Variants in FBLN7 observed in about 807,000 individuals in gnomAD.
The protein encoded by FBLN7 is fibulin-7.
A neutral mutation model predicts 44.0 loss-of-function variants in FBLN7; 31 were observed. That is an observed-to-expected ratio of 0.70 (90% CI 0.53 to 0.95). FBLN7 has a LOEUF of 0.95. Among genes scored for constraint, FBLN7 ranks in the 40% least tolerant of loss-of-function variants. The pLI is 0.00. For synonymous variants in FBLN7, 262 were observed against 253.4 expected (o/e 1.03, Z -0.32); for missense variants, 573 against 618.5 (o/e 0.93, Z 0.78).
chr2:112,138,661 G>T lies in FBLN7; in HGVS notation c.6G>T (p.Val2=), dbSNP rs751406001. The change falls in exon 1 of 8, where the codon GTG becomes GTT. Residue 2 remains valine, a synonymous_variant. Coordinates refer to ENST00000331203, the MANE Select transcript of FBLN7 (RefSeq NM_153214.3). ...GCGGGATTCCGACTGGCAAGATGGTGCCCAGCTCTCCGCGCGCGCTCTTCC... is the reference window on the plus strand; with the variant it reads ...GCGGGATTCCGACTGGCAAGATGGTTCCCAGCTCTCCGCGCGCGCTCTTCC... M[V]PSSPRALFLL... 2 of 1,613,702 alleles carry T rather than the reference G, an allele frequency of 1.2e-6. No individual in the cohort carries two copies. Among genetic ancestry groups the T allele is most frequent in the Non-Finnish European group, 1.7e-6 (2 of 1,179,914 alleles).
intron 2 of FBLN7, among the ~76,000 whole-genome samples, chr2:112,163,109 G>A (rs1022510113): frequency 3.3e-5 from 5 of 152,162 alleles, no homozygotes; most frequent in South Asian, 2.1e-4. Context: ...AAAGGCCACC[G>A]AGCATCCTCG....
chr2:112,149,114 C>T (rs1251532310), intron 1 of FBLN7, among the ~76,000 whole-genome samples: 1 of 152,132 alleles, frequency 6.6e-6, no homozygotes, highest in Non-Finnish European at 1.5e-5. Flanking sequence ...GCATCTTCTG[C>T]TTTCTCTAGC....
the FBLN7 span, among the ~76,000 whole-genome samples, chr2:112,241,726 G>A: frequency 6.6e-6 from 1 of 152,150 alleles, no homozygotes; most frequent in Admixed American, 6.5e-5. Context: ...TACCTTTTAT[G>A]TTCATGACCA....
the FBLN7 span, among the ~76,000 whole-genome samples, chr2:112,198,612 G>T: frequency 6.6e-6 from 1 of 150,690 alleles, no homozygotes; most frequent in African/African-American, 2.5e-5. Context: ...CTCCAGCCTG[G>T]GTGACAGAGT....
At chr2:112,219,069 T>C in the FBLN7 span, among the ~76,000 whole-genome samples, 2 of 152,184 alleles carry the variant, frequency 1.3e-5, no homozygotes, top group African/African-American at 4.8e-5. Context: ...CAAATTCAAA[T>C]TGATGTTTTT....
intron 1 of FBLN7, among the ~76,000 whole-genome samples, chr2:112,143,785 G>A (rs189753487): frequency 5.9e-4 from 89 of 152,072 alleles, no homozygotes; most frequent in Non-Finnish European, 1.1e-3. Context: ...GTTTTGCCAT[G>A]TTGCCTAGGC....
intron 2 of FBLN7, among the ~76,000 whole-genome samples, chr2:112,160,210 T>C (rs976584689): frequency 6.6e-5 from 10 of 152,152 alleles, no homozygotes; most frequent in Admixed American, 2.0e-4. Context: ...CAGGATGGTC[T>C]CGATCTCCTG....
At chr2:112,196,508 C>T in the FBLN7 span, among the ~76,000 whole-genome samples, 4 of 151,462 alleles carry the variant, frequency 2.6e-5, no homozygotes, top group Non-Finnish European at 4.4e-5. Context: ...CAGGCTCGCA[C>T]GATCCTCCCA....
At chr2:112,214,171 C>T in the FBLN7 span, 1 of 152,064 alleles carries the variant, frequency 6.6e-6, no homozygotes, top group Admixed American at 6.6e-5. Flanking sequence ...TGGTCTCGAT[C>T]TCCTGACCTC....
At chr2:112,184,633 G>T (rs1314148974) in intron 6 of FBLN7, among the ~76,000 whole-genome samples, 1 of 100,752 alleles carries the variant, frequency 9.9e-6, no homozygotes, top group Non-Finnish European at 2.0e-5. Context: ...TAAAAAAAGT[G>T]TGTGTATATA....
chr2:112,182,652 G>T, intron 5 of FBLN7, 139 bp from the exon 6 acceptor site: 2 of 994,726 alleles, frequency 2.0e-6, no homozygotes, highest in Non-Finnish European at 2.9e-6. Flanking sequence ...TGGGGGTAGG[G>T]CATGGCGGCT....
chr2:112,167,869 C>CGTTATGTTATTTATGTTATGTTATGTTAT (rs1682242603), intron 3 of FBLN7, among the ~76,000 whole-genome samples: 1 of 132,826 alleles, frequency 7.5e-6, no homozygotes, highest in Non-Finnish European at 1.6e-5. Context: ...AGGAAAGACA[C>CGTTATGTTATTTATGTTATGTTATGTTAT]GTTATGTTAT....
intron 1 of FBLN7, among the ~76,000 whole-genome samples, chr2:112,159,048 G>A (rs1261582491): frequency 6.6e-6 from 1 of 152,156 alleles, no homozygotes; most frequent in East Asian, 1.9e-4. Context: ...CAAACAAAAA[G>A]TATGATGCTT....
intron 3 of FBLN7, among the ~76,000 whole-genome samples, chr2:112,175,189 T>A (rs940067775): frequency 6.6e-6 from 1 of 152,230 alleles, no homozygotes; most frequent in Non-Finnish European, 1.5e-5. Flanking sequence ...TTTGGAGAAT[T>A]CATTTTCCCC....
the FBLN7 span, among the ~76,000 whole-genome samples, chr2:112,204,256 T>A: frequency 6.6e-6 from 1 of 151,484 alleles, no homozygotes; most frequent in African/African-American, 2.4e-5. Flanking sequence ...GTCATTGATA[T>A]TATCCAGCTT....
At chr2:112,225,637 T>C in the FBLN7 span, among the ~76,000 whole-genome samples, 1 of 152,150 alleles carries the variant, frequency 6.6e-6, no homozygotes, top group East Asian at 1.9e-4. Context: ...GCCAACATGG[T>C]GAAACTTAGT....
the FBLN7 span, among the ~76,000 whole-genome samples, chr2:112,218,758 ATTAG>A: frequency 2.0e-5 from 3 of 152,174 alleles, no homozygotes; most frequent in Non-Finnish European, 4.4e-5. Flanking sequence ...GTAGGCTATT[ATTAG>A]TTATGATTTT....
At position 112,175,721 on chromosome 2, in the gene FBLN7, T is replaced by C; in HGVS notation, c.414T>C (p.Ser138=). 6.2e-7 allele frequency: 1 copy of C among 1,614,182 alleles called. No individual in the cohort carries two copies. The part of the protein sequence containing the change: ...TGEQPHCRGI[S]ECSSQPCQNG... Reference sequence around the variant, plus strand: ...AATTATTTATCTTCCTAGGTATCAGTGAATGCTCCAGCCAGCCTTGTCAAA... The same window carrying C: ...AATTATTTATCTTCCTAGGTATCAGCGAATGCTCCAGCCAGCCTTGTCAAA... The change falls in exon 4 of 8, where the codon AGT becomes AGC. Residue 138 remains serine, a synonymous_variant. Transcript: ENST00000331203.
At chr2:112,192,904 C>T (rs1683534533), downstream of FBLN7, among the ~76,000 whole-genome samples, 1 of 152,158 alleles carries the variant, frequency 6.6e-6, no homozygotes, top group Non-Finnish European at 1.5e-5. Flanking sequence ...TTGCTGAAGA[C>T]ACTGACTTCA....
Sources: gnomAD v4.1 joint callset for allele counts (sites outside exome capture counted in the v4.1 genomes callset) on GRCh38, gnomAD v4.1.1 for gene constraint, MANE v1.5 for transcripts, NCBI Gene and HGNC (gene_info 2026-07-23, HGNC 2026-07-21) for gene names.